ZNF569: variants seen among roughly 807,000 people sequenced by gnomAD.
The protein encoded by ZNF569 is DNA-binding protein.
Under a neutral mutation model 56.3 loss-of-function variants are expected in ZNF569, and 38 were observed. The observed-to-expected ratio is 0.68, with a 90% CI of 0.52 to 0.88. The LOEUF is 0.88. Ranked by LOEUF, ZNF569 falls within the 40% of genes least tolerant of loss-of-function variation. The pLI, the probability that ZNF569 is intolerant of heterozygous loss-of-function variation, is 0.00. For missense variants in ZNF569, 666 were observed against 809.2 expected (o/e 0.82, Z 2.15); for synonymous variants, 241 against 262.9 (o/e 0.92, Z 0.81).
intron 5 of ZNF569, 73 bp downstream of exon 5, chr19:37,425,795 G>A: frequency 8.5e-7 from 1 of 1,179,610 alleles, no homozygotes; most frequent in Non-Finnish European, 1.3e-6. Context: ...TATTTTAGAG[G>A]GATCAACCAT....
At chr19:37,431,217 T>TA (rs1189102278) in intron 3 of ZNF569, among the ~76,000 whole-genome samples, 1 of 152,034 alleles carries the variant, frequency 6.6e-6, no homozygotes, top group Non-Finnish European at 1.5e-5. Context: ...CCAGCCAGGG[T>TA]AGCCAAGGGA....
chr19:37,434,767 TA>T (rs2041282198), intron 3 of ZNF569, among the ~76,000 whole-genome samples: 3 of 152,206 alleles, frequency 2.0e-5, no homozygotes, highest in Admixed American at 2.0e-4. Flanking sequence ...TAATCTCCCC[TA>T]CTCTTAAGAA....
intron 2 of ZNF569, among the ~76,000 whole-genome samples, chr19:37,459,795 T>C (rs966338235): frequency 6.6e-6 from 1 of 152,122 alleles, no homozygotes; most frequent in Admixed American, 6.5e-5. Context: ...ACATCACAAG[T>C]GACATAACAA....
chr19:37,446,853 A>G (rs937085864), intron 2 of ZNF569, among the ~76,000 whole-genome samples: 2 of 152,210 alleles, frequency 1.3e-5, no homozygotes, highest in South Asian at 4.1e-4. Context: ...TTCACAATCT[A>G]TACATCCAAA....
At chr19:37,445,041 G>A in intron 2 of ZNF569, 77 bp from the exon 3 acceptor site, 1 of 1,106,194 alleles carries the variant, frequency 9.0e-7, no homozygotes, top group South Asian at 1.5e-5. Context: ...GTGGATTAAA[G>A]GTCACCCTGT....
chr19:37,414,276 C>A lies in ZNF569; in HGVS notation c.382G>T (p.Asp128Tyr). 1.2e-6 allele frequency: 2 copies of A among 1,613,654 alleles called. No individual in the cohort carries two copies. Among genetic ancestry groups the A allele is most frequent in the Non-Finnish European group, 8.5e-7 (1 of 1,179,794 alleles). Residue 128 changes from aspartate (D) to tyrosine (Y), a missense_variant, in exon 6 of 6, where the codon GAT becomes TAT. By Grantham distance (160) the Asp-to-Tyr change is radical. Transcript: ENST00000316950. ...KFANVFPLNS[D>Y]FFPSRHNLYE... is the part of the protein sequence containing the mutation. ...AGATTGTGTCTGGAAGGGAAAAAAT[C>A]AGAGTTCAGAGGAAATACATTTGCA...
intron 2 of ZNF569, among the ~76,000 whole-genome samples, chr19:37,458,717 A>G (rs963387740): frequency 3.3e-5 from 5 of 152,238 alleles, no homozygotes; most frequent in African/African-American, 1.2e-4. Flanking sequence ...ATATAAGAAA[A>G]GATGTGCAGT....
upstream of ZNF569, chr19:37,468,964 C>A: frequency 1.3e-6 from 1 of 799,668 alleles, no homozygotes; most frequent in Non-Finnish European, 1.5e-6. Flanking sequence ...GCCACTAGCG[C>A]GTTCCCACGC....
chr19:37,425,674 A>G (rs1342474196), intron 5 of ZNF569, 194 bp downstream of exon 5: 3 of 473,092 alleles, frequency 6.3e-6, no homozygotes, highest in East Asian at 3.5e-5. Flanking sequence ...TATGTTGCCC[A>G]GGCTGGTCCC....
At chr19:37,467,796 G>A, upstream of ZNF569, 1 of 1,285,820 alleles carries the variant, frequency 7.8e-7, no homozygotes. Flanking sequence ...AGTGACATCT[G>A]AGGTCGTGCG....
chr19:37,414,441 T>C (rs200717904), intron 5 of ZNF569, 22 bp from the exon 6 acceptor site: 1 of 1,527,822 alleles, frequency 6.5e-7, no homozygotes, highest in East Asian at 2.3e-5. Flanking sequence ...TGCAAATAAA[T>C]ATCACTTACA....
chr19:37,426,378 CCT>C lies in ZNF569; in HGVS notation c.16-2_16-1del, dbSNP rs768847098. Reference sequence around the variant, plus strand: ...GCCACATCTTTGAATGTTACTGTTCCCTGTAACAACACACTCCCACTCAATCT... The same window carrying C: ...GCCACATCTTTGAATGTTACTGTTCCGTAACAACACACTCCCACTCAATCT... On this transcript the variant is annotated splice_acceptor_variant, in intron 3 of 5. Transcript: ENST00000316950. LOFTEE classifies it high-confidence loss of function. The C allele has an allele frequency of 5.0e-6, 8 of 1,600,604 alleles. No individual in the cohort carries two copies. The highest frequency in any genetic ancestry group is 6.8e-6 in the Non-Finnish European group (8 of 1,175,010).
At chr19:37,414,784 G>A (rs1399054718) in intron 5 of ZNF569, among the ~76,000 whole-genome samples, 1 of 152,112 alleles carries the variant, frequency 6.6e-6, no homozygotes, top group Admixed American at 6.5e-5. Flanking sequence ...AGATCATTTT[G>A]CGGGACTCTA....
At chr19:37,414,475 T>C (rs757021326) in intron 5 of ZNF569, 56 bp from the exon 6 acceptor site, 1 of 1,513,808 alleles carries the variant, frequency 6.6e-7, no homozygotes, top group Non-Finnish European at 8.8e-7. Flanking sequence ...TATTGTAATA[T>C]GAAGAACATT....
chr19:37,447,261 G>T (rs1433626041), intron 2 of ZNF569, among the ~76,000 whole-genome samples: 3 of 152,290 alleles, frequency 2.0e-5, no homozygotes, highest in African/African-American at 7.2e-5. Context: ...CAGAGGAAAA[G>T]AAGTCATTAC....
chr19:37,423,025 A>G lies in ZNF569; in HGVS notation c.238+2843T>C, dbSNP rs574755464. Among the ~76,000 whole-genome samples the G allele has an allele frequency of 1.5e-4, 23 of 152,342 alleles. 1 individual carries two copies. The South Asian group carries it at 4.6e-3, about 30-fold the overall frequency. On this transcript the variant is annotated intron_variant, in intron 5 of 5. Coordinates refer to ENST00000316950, the MANE Select transcript of ZNF569 (RefSeq NM_152484.3). ...AACATTTGAAAATACAGATGAAACA[A>G]ATTTTCAAATATAATAGATGATCCT... is the stretch of plus-strand genomic sequence containing the variant.
rs145074838 is a variant in ZNF569 at position 37,454,088 on chromosome 19, C to CT, written c.-43-9125dup. On this transcript the variant is annotated intron_variant, in intron 2 of 5. Transcript: ENST00000316950. ...GGGGTTATGCTGGTCTATTCAATAG[C>CT]TGGACAGGGTTTGAGGTTTGTCATT... Among the ~76,000 whole-genome samples the CT allele has an allele frequency of 7.1e-3, 1,075 of 152,238 alleles. 14 individuals are homozygous for CT. Among genetic ancestry groups the CT allele is most frequent in the African/African-American group, 0.024 (1,001 of 41,524 alleles).
At chr19:37,437,029 A>G (rs112190894) in intron 3 of ZNF569, among the ~76,000 whole-genome samples, 2,564 of 151,788 alleles carry the variant, frequency 0.017, 72 homozygotes, top group African/African-American at 0.058. Flanking sequence ...AAAAAAAAAA[A>G]AAAGAAAGCT....
chr19:37,427,542 A>C (rs546252485), intron 3 of ZNF569, among the ~76,000 whole-genome samples: 2 of 152,296 alleles, frequency 1.3e-5, no homozygotes, highest in East Asian at 3.9e-4. Context: ...GGTGAGAAAA[A>C]AGAAAGTCTC....
Sources: gnomAD v4.1 joint callset for allele counts (sites outside exome capture counted in the v4.1 genomes callset) on GRCh38, gnomAD v4.1.1 for gene constraint, MANE v1.5 for transcripts, NCBI Gene and HGNC (gene_info 2026-07-23, HGNC 2026-07-21) for gene names.